Variants in COLGALT1 observed in about 807,000 individuals in gnomAD.
COLGALT1 encodes the protein procollagen galactosyltransferase 1.
In COLGALT1, 43 loss-of-function variants were observed where a neutral mutation model predicts 60.8. The ratio of observed to expected loss-of-function variants is 0.71; its 90% CI spans 0.55 to 0.91. The LOEUF is 0.91. Ranked by LOEUF, COLGALT1 falls within the 40% of genes least tolerant of loss-of-function variation. The probability of loss-of-function intolerance (pLI) is 0.00; values close to 1 mark genes in which losing one functional copy is unlikely to be tolerated. For synonymous variants in COLGALT1, 369 were observed against 374.2 expected (o/e 0.99, Z 0.16); for missense variants, 845 against 880.0 (o/e 0.96, Z 0.50).
At chr19:17,571,349 A>G (rs557354600) in intron 5 of COLGALT1, among the ~76,000 whole-genome samples, 7 of 151,260 alleles carry the variant, frequency 4.6e-5, no homozygotes, top group African/African-American at 1.5e-4. Flanking sequence ...CCCAGGAGGC[A>G]GTGAACGGAG....
intron 10 of COLGALT1, 157 bp from the exon 11 acceptor site, chr19:17,580,542 G>C (rs1871035408): frequency 2.9e-6 from 2 of 689,328 alleles, no homozygotes; most frequent in Non-Finnish European, 2.4e-6. Context: ...CCAGACCCCT[G>C]GGCTCCTGCA....
chr19:17,578,933 C>A (rs4808670), intron 9 of COLGALT1, among the ~76,000 whole-genome samples: 1 of 151,826 alleles, frequency 6.6e-6, no homozygotes, highest in Non-Finnish European at 1.5e-5. Flanking sequence ...TCACTTGAAC[C>A]CAGGAGGCAG....
At chr19:17,572,642 G>T (rs1469105546) in intron 6 of COLGALT1, 40 bp downstream of exon 6, 2 of 1,610,604 alleles carry the variant, frequency 1.2e-6, no homozygotes, top group Non-Finnish European at 1.7e-6. Context: ...GTGCCAGGTT[G>T]CCTCCCTTTC....
At chr19:17,565,247 C>G (rs2076273826) in intron 3 of COLGALT1, among the ~76,000 whole-genome samples, 1 of 151,998 alleles carries the variant, frequency 6.6e-6, no homozygotes, top group South Asian at 2.1e-4. Flanking sequence ...CCTCCATCTC[C>G]TGGGTTCAAG....
intron 6 of COLGALT1, among the ~76,000 whole-genome samples, chr19:17,576,177 G>A (rs936927745): frequency 7.9e-5 from 12 of 152,164 alleles, no homozygotes; most frequent in Non-Finnish European, 1.2e-4. Flanking sequence ...CATACCTGGT[G>A]TCCTTCCCAA....
intron 3 of COLGALT1, among the ~76,000 whole-genome samples, chr19:17,567,146 C>A (rs966685285): frequency 6.6e-6 from 1 of 152,138 alleles, no homozygotes; most frequent in African/African-American, 2.4e-5. Context: ...CCTTCTTGCT[C>A]ATTGGTTGTT....
chr19:17,572,352 C>T, intron 5 of COLGALT1, 131 bp from the exon 6 acceptor site: 6 of 1,353,108 alleles, frequency 4.4e-6, no homozygotes, highest in Non-Finnish European at 6.2e-6. Context: ...CTCTGTTGCC[C>T]AGGCTGGTCT....
Position 17,581,411 on chromosome 19 carries a change from C to G in COLGALT1, c.1836C>G (p.Ser612=). ...REAKNSDVLQ[S]PLDSAARDEL Reference sequence around the variant, plus strand: ...CCAAGAACTCGGACGTGCTCCAGTCCCCACTGGACAGTGCTGCCCGGGATG... The same window carrying G: ...CCAAGAACTCGGACGTGCTCCAGTCGCCACTGGACAGTGCTGCCCGGGATG... The change falls in exon 12 of 12, where the codon TCC becomes TCG. Residue 612 remains serine, a synonymous_variant. Transcript: ENST00000252599. 6.2e-7 allele frequency: 1 copy of G among 1,611,238 alleles called. No homozygotes were observed. Among genetic ancestry groups the G allele is most frequent in the Non-Finnish European group, 8.5e-7 (1 of 1,179,914 alleles).
chr19:17,560,038 C>T (rs2076238744), intron 2 of COLGALT1, among the ~76,000 whole-genome samples: 1 of 152,188 alleles, frequency 6.6e-6, no homozygotes, highest in Admixed American at 6.5e-5. Context: ...GATCCTCCCA[C>T]CTCTGCCTCC....
intron 8 of COLGALT1, 92 bp from the exon 9 acceptor site, chr19:17,577,865 C>T: frequency 6.6e-7 from 1 of 1,510,152 alleles, no homozygotes; most frequent in Middle Eastern, 2.5e-4. Context: ...GGACCAGCTG[C>T]TCAACGCCGC....
Position 17,581,340 on chromosome 19 carries a change from G to T in COLGALT1, c.1765G>T (p.Ala589Ser), listed in dbSNP as rs750800935. ...GCACGTCAAGACCGACTGGGACCGC[G>T]CCAAGTCCCAGAAGATGCGGGAGCA... ...NEHVKTDWDR[A>S]KSQKMREQQA... Residue 589 changes from alanine (A) to serine (S), a missense_variant, in exon 12 of 12, where the codon GCC becomes TCC. Physicochemically the swap from Ala to Ser is moderately conservative, Grantham distance 99 (BLOSUM62 1). Coordinates refer to ENST00000252599, the MANE Select transcript of COLGALT1 (RefSeq NM_024656.4). The T allele has an allele frequency of 6.2e-7, 1 of 1,613,404 alleles. No homozygotes were observed. Among genetic ancestry groups the T allele is most frequent in the Non-Finnish European group, 8.5e-7 (1 of 1,179,984 alleles).
intron 1 of COLGALT1, 100 bp downstream of exon 1, chr19:17,556,073 T>G: frequency 8.4e-7 from 1 of 1,189,748 alleles, no homozygotes; most frequent in Non-Finnish European, 1.1e-6. Context: ...GCTGTCCTCT[T>G]CTGGGCGGGT....
chr19:17,568,882 C>G (rs369401389), intron 5 of COLGALT1, among the ~76,000 whole-genome samples, 169 bp downstream of exon 5: 1 of 152,156 alleles, frequency 6.6e-6, no homozygotes, highest in Admixed American at 6.6e-5. Context: ...TCCAGGACCC[C>G]GTTTCTCTCC....
chr19:17,574,881 CAG>C (rs2076332516), intron 6 of COLGALT1, among the ~76,000 whole-genome samples: 2 of 151,746 alleles, frequency 1.3e-5, no homozygotes, highest in South Asian at 4.2e-4. Flanking sequence ...TTTTTTGAGA[CAG>C]AGTCTCGCTG....
chr19:17,555,986 C>T lies in COLGALT1; in HGVS notation c.260+13C>T, dbSNP rs1371073824. 7.6e-6 allele frequency: 10 copies of T among 1,316,914 alleles called. No homozygotes were observed. Among genetic ancestry groups the T allele is most frequent in the African/African-American group, 1.5e-5 (1 of 65,332 alleles). 81.6% of individuals were successfully genotyped at this position (1,316,914 alleles called of 1,614,324 possible). Reference sequence around the variant, plus strand: ...GCACGGCGCTATGGTGAGTCGAGCCCGCTGTCCCCATCAGGCGGGTCACGC... The same window carrying T: ...GCACGGCGCTATGGTGAGTCGAGCCTGCTGTCCCCATCAGGCGGGTCACGC... On this transcript the variant is annotated intron_variant, in intron 1 of 11. Coordinates refer to ENST00000252599, the MANE Select transcript of COLGALT1 (RefSeq NM_024656.4).
intron 3 of COLGALT1, among the ~76,000 whole-genome samples, chr19:17,564,304 TAC>T (rs1408310942): frequency 2.6e-5 from 4 of 151,430 alleles, no homozygotes; most frequent in African/African-American, 9.7e-5. Flanking sequence ...TATACATATA[TAC>T]ATATATACGT....
chr19:17,555,916 C>A lies in COLGALT1; in HGVS notation c.203C>A (p.Pro68His). The part of the protein sequence containing the change: ...LLARNAAHAL[P>H]TTLGALERLR... The stretch of plus-strand genomic sequence containing the variant: ...GCGCGAAACGCGGCCCACGCGTTGC[C>A]CACCACGCTGGGCGCACTCGAGCGG... Residue 68 changes from proline to histidine, a missense_variant, in exon 1 of 12, where the codon CCC becomes CAC. Transcript: ENST00000252599. 1 of 1,400,620 alleles carries A rather than the reference C, an allele frequency of 7.1e-7. No homozygotes were observed. Among genetic ancestry groups the A allele is most frequent in the South Asian group, 1.5e-5 (1 of 68,902 alleles). 86.8% of individuals were successfully genotyped at this position (1,400,620 alleles called of 1,614,324 possible).
chr19:17,581,802 C>A lies in COLGALT1; in HGVS notation c.*358C>A. ...GATTGATTCAGTCATCAAGCAGTTACTGATCAGATTAAGAATCAGGCACTA... is the reference window on the plus strand; with the variant it reads ...GATTGATTCAGTCATCAAGCAGTTAATGATCAGATTAAGAATCAGGCACTA... On this transcript the variant is annotated 3_prime_UTR_variant, in exon 12 of 12. Coordinates refer to ENST00000252599, the MANE Select transcript of COLGALT1 (RefSeq NM_024656.4). The A allele has an allele frequency of 3.3e-6, 1 of 303,060 alleles. No homozygotes were observed. Among genetic ancestry groups the A allele is most frequent in the South Asian group, 5.1e-5 (1 of 19,672 alleles). The allele number at this position is 303,060 out of a possible 1,614,324, so 18.8% of individuals were successfully genotyped here. A position where few individuals can be genotyped will look rare whatever the true frequency, so the allele number is the denominator to read the frequency against.
intron 9 of COLGALT1, among the ~76,000 whole-genome samples, chr19:17,578,325 G>T (rs2076357728): frequency 6.6e-6 from 1 of 152,150 alleles, no homozygotes. Flanking sequence ...GTAGGGGTGA[G>T]CCCTTTTGAG....
Sources: allele counts gnomAD v4.1 joint callset (sites outside exome capture counted in the v4.1 genomes callset), GRCh38; gene constraint gnomAD v4.1.1; transcripts MANE v1.5; gene names NCBI Gene and HGNC (gene_info 2026-07-23, HGNC 2026-07-21).